Variants in MGST1 observed in about 807,000 individuals in gnomAD.
The protein encoded by MGST1 is microsomal glutathione S-transferase 1, also known as glutathione S-transferase 12.
Under a neutral mutation model 8.9 loss-of-function variants are expected in MGST1, and 5 were observed. The ratio of observed to expected loss-of-function variants is 0.56; its 90% CI spans 0.29 to 1.19. MGST1 has a LOEUF of 1.19. Ranked by LOEUF, MGST1 falls within the 50% of genes most tolerant of loss-of-function variation. The pLI is 0.08. For missense variants in MGST1, 182 were observed against 187.4 expected, an observed-to-expected ratio of 0.97 and a Z score of 0.17; for synonymous variants, 54 against 67.8, an observed-to-expected ratio of 0.80 and a Z score of 1.00.
At chr12:16,428,622 G>C (rs1281638837) in intron 1 of MGST1, among the ~76,000 whole-genome samples, 3 of 151,606 alleles carry the variant, frequency 2.0e-5, no homozygotes, top group African/African-American at 7.3e-5. Context: ...ATTTTACTTT[G>C]CTAAATATAT....
At chr12:16,402,813 T>C (rs1036104878) in intron 1 of MGST1, among the ~76,000 whole-genome samples, 3 of 151,738 alleles carry the variant, frequency 2.0e-5, no homozygotes, top group African/African-American at 7.2e-5. Flanking sequence ...ATTATATAGG[T>C]GTTCTTCATA....
chr12:16,364,083 T>C lies in MGST1; in HGVS notation c.*42T>C. 1 of 1,539,776 alleles carries C rather than the reference T, an allele frequency of 6.5e-7. No individual in the cohort carries two copies. On this transcript the variant is annotated 3_prime_UTR_variant, in exon 4 of 4. Transcript: ENST00000396210. This position sits in a 1 kb window ranked among gnomAD's most constrained non-coding sequence, Gnocchi z 5.7. ...CAGCATCCAGTTGGCTTTTTAAGAA[T>C]TCTGTACTTCCAATTTATAATGAAT...
intron 1 of MGST1, among the ~76,000 whole-genome samples, chr12:16,428,156 G>A (rs79981710): frequency 6.6e-6 from 1 of 151,504 alleles, no homozygotes; most frequent in East Asian, 1.9e-4. Flanking sequence ...TTTCATAAAT[G>A]TCCCTTCATA....
At chr12:16,573,331 GAATATT>G (rs1942884366) in intron 4 of MGST1, among the ~76,000 whole-genome samples, 1 of 152,078 alleles carries the variant, frequency 6.6e-6, no homozygotes, top group African/African-American at 2.4e-5. Flanking sequence ...CAGACATATT[GAATATT>G]AAAAACATGA....
At position 16,401,149 on chromosome 12, in the gene MGST1, ACTTT is replaced by A. The variant is rs1940652138; in HGVS notation, n.778+17549_778+17552del. ...CCTTAGGAAAATACCCACATTCTTC[ACTTT>A]CTTCTTCACAGAAGTGAGAACAGTA... is the stretch of plus-strand genomic sequence containing the variant. On this transcript the variant is annotated intron_variant and non_coding_transcript_variant, in intron 1 of 1. Transcript: ENST00000359720. The surrounding 1 kb of genome is among the most constrained non-coding windows in gnomAD (Gnocchi z 4.3). 2.7e-5 allele frequency: 43 copies of A among 1,564,190 alleles called. No individual in the cohort carries two copies. In the South Asian group the frequency reaches 4.3e-4, roughly 16 times the overall value.
chr12:16,492,759 C>A (rs1167340821), intron 4 of MGST1, among the ~76,000 whole-genome samples: 1 of 152,066 alleles, frequency 6.6e-6, no homozygotes, highest in Non-Finnish European at 1.5e-5. Context: ...AACTAGGTCC[C>A]AAGGTTGGAG....
intron 4 of MGST1, among the ~76,000 whole-genome samples, chr12:16,472,433 GTT>G (rs766108157): frequency 2.5e-4 from 32 of 129,710 alleles, no homozygotes; most frequent in African/African-American, 5.8e-4. Context: ...CCTTCCTTCT[GTT>G]TTTTTTTTTT....
At chr12:16,484,677 C>A (rs995950235) in intron 4 of MGST1, among the ~76,000 whole-genome samples, 1 of 152,068 alleles carries the variant, frequency 6.6e-6, no homozygotes, top group Non-Finnish European at 1.5e-5. Flanking sequence ...TTTAAACAAC[C>A]GGATCTCGTG....
chr12:16,348,073 G>A (rs1939281171), intron 1 of MGST1, among the ~76,000 whole-genome samples: 1 of 152,198 alleles, frequency 6.6e-6, no homozygotes, highest in African/African-American at 2.4e-5. Context: ...AATGCCTGTA[G>A]TTTGAACGAC....
At chr12:16,396,104 C>T (rs555082742) in intron 1 of MGST1, among the ~76,000 whole-genome samples, 19 of 152,128 alleles carry the variant, frequency 1.2e-4, no homozygotes, top group East Asian at 1.2e-3. Context: ...ACTGCATCCA[C>T]GCCAACATCT....
At chr12:16,485,592 G>C (rs781258201) in intron 4 of MGST1, among the ~76,000 whole-genome samples, 1 of 151,960 alleles carries the variant, frequency 6.6e-6, no homozygotes, top group Admixed American at 6.6e-5. Context: ...ATCTTTTACC[G>C]TTCTCACTAT....
intron 4 of MGST1, among the ~76,000 whole-genome samples, chr12:16,479,977 TA>T (rs1400450996): frequency 6.6e-6 from 1 of 152,088 alleles, no homozygotes; most frequent in Non-Finnish European, 1.5e-5. Context: ...AAATGGATCA[TA>T]AAGTAAATAT....
At chr12:16,381,531 C>A (rs1040398749), downstream of MGST1, among the ~76,000 whole-genome samples, 1 of 152,166 alleles carries the variant, frequency 6.6e-6, no homozygotes, top group Non-Finnish European at 1.5e-5. Context: ...ATGGGCTTCC[C>A]TTTGTGGGTA....
At chr12:16,574,827 G>A (rs1319549102) in intron 4 of MGST1, among the ~76,000 whole-genome samples, 9 of 152,256 alleles carry the variant, frequency 5.9e-5, no homozygotes, top group Admixed American at 6.5e-5. Context: ...TGTGAGTGGG[G>A]AAACAGAAGT....
intron 4 of MGST1, among the ~76,000 whole-genome samples, chr12:16,467,625 A>G (rs139896105): frequency 3.3e-4 from 50 of 152,348 alleles, no homozygotes; most frequent in African/African-American, 1.1e-3. Context: ...CATAGAACTC[A>G]TTAATACTTT....
intron 4 of MGST1, among the ~76,000 whole-genome samples, chr12:16,505,119 A>G (rs1241757541): frequency 1.3e-5 from 2 of 152,148 alleles, no homozygotes; most frequent in African/African-American, 4.8e-5. Context: ...CACTATGGAC[A>G]CATCCCAGAG....
intron 4 of MGST1, among the ~76,000 whole-genome samples, chr12:16,579,498 A>G (rs1943094626): frequency 1.3e-5 from 2 of 152,250 alleles, no homozygotes; most frequent in African/African-American, 2.4e-5. Context: ...ACGCAGATGT[A>G]TAAGTGAATA....
intron 1 of MGST1, among the ~76,000 whole-genome samples, chr12:16,424,366 C>G (rs1477186922): frequency 1.3e-5 from 2 of 152,172 alleles, no homozygotes; most frequent in African/African-American, 2.4e-5. Flanking sequence ...AATAAAGTCT[C>G]TCATGCATCA....
At chr12:16,522,971 A>T (rs1416607963) in intron 4 of MGST1, among the ~76,000 whole-genome samples, 2 of 152,208 alleles carry the variant, frequency 1.3e-5, no homozygotes, top group East Asian at 3.9e-4. Context: ...ATAAATTTTT[A>T]TGAGTGTAGT....
Sources: allele counts gnomAD v4.1 joint callset (sites outside exome capture counted in the v4.1 genomes callset), GRCh38; gene constraint gnomAD v4.1.1; non-coding constraint Gnocchi (gnomAD v3.1); transcripts MANE v1.5; gene names NCBI Gene and HGNC (gene_info 2026-07-23, HGNC 2026-07-21).